IQGAP1: variants seen among roughly 807,000 people sequenced by gnomAD.
IQGAP1 encodes the protein IQ motif containing GTPase activating protein 1.
In IQGAP1, 66 loss-of-function variants were observed where a neutral mutation model predicts 215.6. That is an observed-to-expected ratio of 0.31 (90% CI 0.25 to 0.38). The LOEUF (loss-of-function observed/expected upper bound fraction) is 0.38. IQGAP1 is among the 10% of genes least tolerant of loss of function. The pLI is 1.00. For synonymous variants in IQGAP1, 772 were observed against 728.7 expected, an observed-to-expected ratio of 1.06 and a Z score of -0.96; for missense variants, 1,712 against 1,997.1, an observed-to-expected ratio of 0.86 and a Z score of 2.72.
chr15:90,402,165 C>G (rs1312308726), intron 2 of IQGAP1, among the ~76,000 whole-genome samples: 1 of 152,224 alleles, frequency 6.6e-6, no homozygotes, highest in Non-Finnish European at 1.5e-5. Flanking sequence ...GAGGGAAAGT[C>G]TCCAGTTGTC....
At position 90,403,933 on chromosome 15, in the gene IQGAP1, C is replaced by T. The variant is rs190648177; in HGVS notation, c.155+13060C>T. On this transcript the variant is annotated intron_variant, in intron 2 of 37. Transcript: ENST00000268182. ...TAGGTTATCTGCCCGCCTTGGCCTC[C>T]CTAAGTGTTGGGCTTACAGACATGA... Among the ~76,000 whole-genome samples the T allele has an allele frequency of 3.3e-5, 5 of 152,254 alleles. No individual in the cohort carries two copies. In the East Asian group the frequency reaches 9.6e-4, roughly 29 times the overall value.
At chr15:90,439,976 G>C (rs963130074) in intron 6 of IQGAP1, among the ~76,000 whole-genome samples, 1 of 152,182 alleles carries the variant, frequency 6.6e-6, no homozygotes. Flanking sequence ...TATTTTGTAG[G>C]CTTGAAAGTT....
At chr15:90,485,958 TG>T (rs1175875210) in intron 30 of IQGAP1, 71 bp from the exon 31 acceptor site, 1 of 1,125,748 alleles carries the variant, frequency 8.9e-7, no homozygotes, top group Admixed American at 1.9e-5. Flanking sequence ...TGCAGATCAT[TG>T]TTAGACATTC....
At chr15:90,427,284 A>G (rs544167892) in intron 3 of IQGAP1, among the ~76,000 whole-genome samples, 82 of 152,244 alleles carry the variant, frequency 5.4e-4, no homozygotes, top group African/African-American at 1.9e-3. Context: ...TTTGTTGGCA[A>G]ATTGAATGCA....
At chr15:90,420,105 T>C (rs1456385863) in intron 2 of IQGAP1, among the ~76,000 whole-genome samples, 3 of 152,226 alleles carry the variant, frequency 2.0e-5, no homozygotes, top group Admixed American at 6.5e-5. Flanking sequence ...ATTTTACTTA[T>C]GGAATTGTCA....
intron 6 of IQGAP1, among the ~76,000 whole-genome samples, chr15:90,440,218 AT>A (rs1188677988): frequency 2.0e-5 from 3 of 152,222 alleles, no homozygotes; most frequent in Non-Finnish European, 2.9e-5. Context: ...TTATAAGTTC[AT>A]TGTAGGAAAT....
intron 5 of IQGAP1, among the ~76,000 whole-genome samples, chr15:90,438,035 T>G (rs1425446174): frequency 6.6e-6 from 1 of 152,248 alleles, no homozygotes; most frequent in East Asian, 1.9e-4. Flanking sequence ...GTTTTTCTAT[T>G]ATACATTTGG....
chr15:90,409,932 C>T (rs963902891), intron 2 of IQGAP1, among the ~76,000 whole-genome samples: 3 of 152,180 alleles, frequency 2.0e-5, no homozygotes, highest in African/African-American at 7.2e-5. Context: ...TGTCTGTTGG[C>T]TGCATAAATG....
chr15:90,455,420 A>G (rs543270692), intron 14 of IQGAP1, among the ~76,000 whole-genome samples: 1 of 152,248 alleles, frequency 6.6e-6, no homozygotes, highest in Non-Finnish European at 1.5e-5. Flanking sequence ...GCATAAATTC[A>G]GGTGTGGGCG....
At chr15:90,478,041 G>T in intron 26 of IQGAP1, 152 bp downstream of exon 26, 1 of 627,712 alleles carries the variant, frequency 1.6e-6, no homozygotes, top group Non-Finnish European at 2.7e-6. Context: ...GTCCAGGCTG[G>T]AGTACAGTGG....
chr15:90,456,103 T>C (rs750744514), intron 14 of IQGAP1, 49 bp from the exon 15 acceptor site: 4 of 1,507,864 alleles, frequency 2.7e-6, no homozygotes, highest in Non-Finnish European at 3.6e-6. Flanking sequence ...GATTTGTTTA[T>C]GTACTTCCTT....
intron 31 of IQGAP1, chr15:90,486,563 T>TA (rs1428831294): frequency 5.4e-6 from 1 of 183,608 alleles, no homozygotes; most frequent in African/African-American, 2.4e-5. Flanking sequence ...TGAGTTGTTT[T>TA]TTTTTTTTTT....
rs1277354687 is a variant in IQGAP1, at chr15:90,433,759, A to G, written c.431A>G (p.Asn144Ser). Residue 144 changes from asparagine (N) to serine (S), a missense_variant, in exon 5 of 38, where the codon AAC becomes AGC. By Grantham distance (46) the Asn-to-Ser change is conservative. This residue lies in a region of IQGAP1 where 1,021 missense variants were observed against 1,074.2 expected (regional missense o/e 0.95). Transcript: ENST00000268182. ...PETTDIYDRK[N>S]MPRCIYCIHA... ...ACTACAGATATCTATGATCGAAAGA[A>G]CATGCCAAGATGTATCTACTGTATC... 1.2e-6 allele frequency: 2 copies of G among 1,608,756 alleles called. No individual in the cohort carries two copies. The highest frequency in any genetic ancestry group is 3.4e-5 in the Admixed American group (2 of 59,522).
chr15:90,435,155 G>A (rs1275174477), intron 5 of IQGAP1, among the ~76,000 whole-genome samples: 2 of 152,084 alleles, frequency 1.3e-5, no homozygotes, highest in Non-Finnish European at 2.9e-5. Context: ...TGTGGATCTC[G>A]TGTTGAGAAT....
Position 90,453,007 on chromosome 15 carries a change from C to T in IQGAP1, c.1326+69C>T, listed in dbSNP as rs116766636. On this transcript the variant is annotated intron_variant, in intron 12 of 37. Transcript: ENST00000268182. ...GACGTGAGTGTAATACCCACTTCTT[C>T]CTGTGGTTAGGTAGAACTTTTTTGC... 1,041 of 1,579,270 alleles carry T rather than the reference C, an allele frequency of 6.6e-4. 10 individuals carry two copies. In the African/African-American group the frequency reaches 0.013, roughly 19 times the overall value.
chr15:90,476,221 G>A (rs745685460), intron 23 of IQGAP1, among the ~76,000 whole-genome samples: 3 of 152,058 alleles, frequency 2.0e-5, no homozygotes, highest in African/African-American at 4.8e-5. Flanking sequence ...GGTGTGAGCC[G>A]CTGCACCCAG....
chr15:90,492,552 G>A lies in IQGAP1; in HGVS notation c.4469G>A (p.Arg1490Gln), dbSNP rs770946291. 4.4e-6 allele frequency: 7 copies of A among 1,594,758 alleles called. No individual in the cohort carries two copies. Among genetic ancestry groups the A allele is most frequent in the South Asian group, 2.3e-5 (2 of 87,060 alleles). Residue 1490 changes from arginine to glutamine, a missense_variant, in exon 35 of 38, where the codon CGG becomes CAG. This residue lies in a region of IQGAP1 where 691 missense variants were observed against 923.0 expected (regional missense o/e 0.75). Coordinates refer to ENST00000268182, the MANE Select transcript of IQGAP1 (RefSeq NM_003870.4). The stretch of plus-strand genomic sequence containing the variant: ...TTAATAATTATGTCTCAGGATATTC[G>A]GAATCAGCGGAGGTACCGACAGAGG... ...ELINDIARDIRNQRRYRQRRK... is the reference protein window; with the variant it reads ...ELINDIARDIQNQRRYRQRRK...
intron 13 of IQGAP1, among the ~76,000 whole-genome samples, chr15:90,453,709 A>G (rs538895504): frequency 6.6e-6 from 1 of 152,268 alleles, no homozygotes; most frequent in South Asian, 2.1e-4. Context: ...CCCTTTCTTC[A>G]TGAGACTGAC....
rs1173397140 is a variant in IQGAP1 at position 90,501,789 on chromosome 15, C to T, written c.*1681C>T. 1 of 152,124 alleles carries T rather than the reference C, an allele frequency of 6.6e-6. No individual in the cohort carries two copies. Among genetic ancestry groups the T allele is most frequent in the East Asian group, 1.9e-4 (1 of 5,202 alleles). The allele number at this position is 152,124 out of a possible 1,614,324, so 9.4% of individuals were successfully genotyped here. On this transcript the variant is annotated 3_prime_UTR_variant, in exon 38 of 38. Transcript: ENST00000268182. ...CATTGCCTCAAAAACTGGGACCAAC[C>T]AAAGTGTGTCAACCCTGTTTCCTTA...
Sources: gnomAD v4.1 joint callset for allele counts (sites outside exome capture counted in the v4.1 genomes callset) on GRCh38, gnomAD v4.1.1 for gene constraint, gnomAD v4.1.1 regional missense constraint, MANE v1.5 for transcripts, NCBI Gene and HGNC (gene_info 2026-07-23, HGNC 2026-07-21) for gene names.